TRAK1: variants seen among roughly 807,000 people sequenced by gnomAD.
The protein encoded by TRAK1 is trafficking kinesin-binding protein 1.
In TRAK1, 33 loss-of-function variants were observed where a neutral mutation model predicts 92.1. That is an observed-to-expected ratio of 0.36 (90% confidence interval 0.27 to 0.48). The LOEUF is 0.48. Among genes scored for constraint, TRAK1 ranks in the 20% least tolerant of loss-of-function variants. The pLI, the probability that TRAK1 is intolerant of heterozygous loss-of-function variation, is 0.99. For missense variants in TRAK1, 1,123 were observed against 1,257.9 expected, an observed-to-expected ratio of 0.89 and a Z score of 1.62; for synonymous variants, 521 against 517.3, an observed-to-expected ratio of 1.01 and a Z score of -0.10.
intron 1 of TRAK1, among the ~76,000 whole-genome samples, chr3:42,074,769 T>G (rs1322432037): frequency 2.6e-5 from 4 of 151,906 alleles, no homozygotes; most frequent in African/African-American, 9.7e-5. Flanking sequence ...AGGGGATTGG[T>G]GTACAGATAA....
At chr3:42,159,938 C>G (rs1374055081) in intron 2 of TRAK1, among the ~76,000 whole-genome samples, 1 of 152,204 alleles carries the variant, frequency 6.6e-6, no homozygotes, top group Non-Finnish European at 1.5e-5. Context: ...TGATGTTGCC[C>G]CATGCAGTTG....
chr3:42,097,935 ATG>A (rs1328636785), intron 1 of TRAK1, among the ~76,000 whole-genome samples: 1 of 152,210 alleles, frequency 6.6e-6, no homozygotes, highest in Non-Finnish European at 1.5e-5. Context: ...ACTGACAACT[ATG>A]TGAACACCAG....
At chr3:42,127,252 C>T (rs369304866) in intron 2 of TRAK1, among the ~76,000 whole-genome samples, 9 of 151,792 alleles carry the variant, frequency 5.9e-5, no homozygotes, top group African/African-American at 2.2e-4. Flanking sequence ...AATCTCTCTG[C>T]GTTACTTACC....
At chr3:42,159,412 C>T (rs1009449048) in intron 2 of TRAK1, among the ~76,000 whole-genome samples, 2 of 152,178 alleles carry the variant, frequency 1.3e-5, no homozygotes, top group African/African-American at 4.8e-5. Context: ...CTGCCTTTCA[C>T]TGGGTTTGAT....
At chr3:42,126,847 C>T (rs1559802758) in intron 2 of TRAK1, among the ~76,000 whole-genome samples, 1 of 152,134 alleles carries the variant, frequency 6.6e-6, no homozygotes, top group Admixed American at 6.5e-5. Flanking sequence ...GTTTTCAGTT[C>T]TCTTTATTAG....
At chr3:42,198,870 G>A (rs1707132642) in intron 10 of TRAK1, among the ~76,000 whole-genome samples, 1 of 152,016 alleles carries the variant, frequency 6.6e-6, no homozygotes, top group Admixed American at 6.6e-5. Context: ...CCATCTCGTA[G>A]CCATGGTTAC....
At chr3:42,027,132 C>T (rs183815136) in intron 1 of TRAK1, among the ~76,000 whole-genome samples, 42 of 152,140 alleles carry the variant, frequency 2.8e-4, no homozygotes, top group Middle Eastern at 3.4e-3. Context: ...ATTAATTACC[C>T]CATCATTTTT....
In TRAK1 at chr3:42,130,444, C is replaced by G. The variant is rs191670847; in HGVS notation, c.286+4830C>G. ...CAAATAAGAGTTTCAAAATATTGTT[C>G]CATCGTTTGCTTTTACTGTAAAGTA... On this transcript the variant is annotated intron_variant, in intron 2 of 15. Transcript: ENST00000327628. Among the ~76,000 whole-genome samples, 10 of 152,244 alleles carry G rather than the reference C, an allele frequency of 6.6e-5. No homozygotes were observed. In the East Asian group the frequency reaches 1.9e-3, roughly 29 times the overall value.
chr3:42,056,476 A>G (rs1703210605), intron 1 of TRAK1, among the ~76,000 whole-genome samples: 1 of 152,206 alleles, frequency 6.6e-6, no homozygotes, highest in Non-Finnish European at 1.5e-5. Flanking sequence ...GACTTTTGAA[A>G]TTATTATTGA....
At chr3:42,163,182 G>A (rs1042717112) in intron 2 of TRAK1, among the ~76,000 whole-genome samples, 4 of 152,210 alleles carry the variant, frequency 2.6e-5, no homozygotes, top group Non-Finnish European at 4.4e-5. Context: ...TAGAATGGCT[G>A]TAGAACTCTC....
intron 1 of TRAK1, among the ~76,000 whole-genome samples, chr3:42,059,686 T>G (rs570516151): frequency 6.6e-6 from 1 of 152,340 alleles, no homozygotes; most frequent in African/African-American, 2.4e-5. Flanking sequence ...AGAAAAAAAT[T>G]TAAAAGTGAC....
chr3:42,136,742 G>A (rs1307628464), intron 2 of TRAK1, among the ~76,000 whole-genome samples: 9 of 151,974 alleles, frequency 5.9e-5, no homozygotes, highest in African/African-American at 1.9e-4. Context: ...GAGTGCAGTG[G>A]CGTGTTCTTG....
intron 1 of TRAK1, among the ~76,000 whole-genome samples, chr3:42,081,459 A>G (rs1704435406): frequency 6.6e-6 from 1 of 152,194 alleles, no homozygotes; most frequent in East Asian, 1.9e-4. Context: ...GTTGTTATTT[A>G]TTCTACAGAC....
chr3:42,211,469 T>TA (rs1424508668), intron 14 of TRAK1: 1 of 985,320 alleles, frequency 1.0e-6, no homozygotes. Flanking sequence ...CCAGCTGCGG[T>TA]ACTGTCCCAT....
intron 1 of TRAK1, among the ~76,000 whole-genome samples, chr3:42,070,144 C>A (rs1703857348): frequency 6.6e-6 from 1 of 151,736 alleles, no homozygotes; most frequent in East Asian, 1.9e-4. Flanking sequence ...ATCCACTGTG[C>A]CCAGCCTGGA....
Position 42,223,692 on chromosome 3 carries a change from C to T in TRAK1, c.2817C>T (p.Gly939=). Residue 939 remains glycine (G), a synonymous_variant, in exon 16 of 16, where the codon GGC becomes GGT. Transcript: ENST00000327628. This position sits in a 1 kb window ranked among gnomAD's most constrained non-coding sequence, Gnocchi z 6.1. ...AAGCTCCTGTGACTCTCACCTCGGGCATCTTGATGGGTGCTAAGCTCTCCA... is the reference window on the plus strand; with the variant it reads ...AAGCTCCTGTGACTCTCACCTCGGGTATCTTGATGGGTGCTAAGCTCTCCA... ...QMKAPVTLTS[G]ILMGAKLSKQ... 1 of 1,613,810 alleles carries T rather than the reference C, an allele frequency of 6.2e-7. No homozygotes were observed. The highest frequency in any genetic ancestry group is 8.5e-7 in the Non-Finnish European group (1 of 1,179,772).
In TRAK1 at chr3:42,126,826, T is replaced by C. The variant is rs943570957; in HGVS notation, c.286+1212T>C. On this transcript the variant is annotated intron_variant, in intron 2 of 15. Transcript: ENST00000327628. ...TACTGCAAGTTTCTCCTTTAGGGTG[T>C]ATCTAGGGATGTTTTCAGTTCTCTT... 2.6e-5 allele frequency among the ~76,000 whole-genome samples: 4 copies of C among 152,356 alleles called. No individual in the cohort carries two copies. In the South Asian group the frequency reaches 8.3e-4, roughly 32 times the overall value.
At chr3:42,065,202 A>G (rs1449237393) in intron 1 of TRAK1, among the ~76,000 whole-genome samples, 1 of 152,170 alleles carries the variant, frequency 6.6e-6, no homozygotes, top group African/African-American at 2.4e-5. Flanking sequence ...CAGTGAGCCA[A>G]GATTGTGCCA....
At chr3:42,213,451 A>G (rs1709317753) in intron 14 of TRAK1, among the ~76,000 whole-genome samples, 1 of 152,254 alleles carries the variant, frequency 6.6e-6, no homozygotes, top group Non-Finnish European at 1.5e-5. Context: ...CAACTGGGCC[A>G]CCAAGGCGAA....
Sources: gnomAD v4.1 joint callset for allele counts (sites outside exome capture counted in the v4.1 genomes callset) on GRCh38, gnomAD v4.1.1 for gene constraint, Gnocchi (gnomAD v3.1) non-coding constraint, MANE v1.5 for transcripts, NCBI Gene and HGNC (gene_info 2026-07-23, HGNC 2026-07-21) for gene names.